The following PCDHGA3 variants were observed in gnomAD, a reference collection of about 807,000 sequenced individuals.
The protein encoded by PCDHGA3 is protocadherin gamma-A3.
A neutral mutation model predicts 58.5 loss-of-function variants in PCDHGA3; 40 were observed. The observed-to-expected ratio is 0.68, with a 90% CI of 0.53 to 0.89. The LOEUF (loss-of-function observed/expected upper bound fraction) is 0.89, where lower values mean the gene tolerates loss of function less well. Among genes scored for constraint, PCDHGA3 ranks in the 40% least tolerant of loss-of-function variants. The pLI, the probability that PCDHGA3 is intolerant of heterozygous loss-of-function variation, is 0.00. For missense variants in PCDHGA3, 1,223 were observed against 1,195.9 expected, an observed-to-expected ratio of 1.02 and a Z score of -0.33; for synonymous variants, 530 against 525.7, an observed-to-expected ratio of 1.01 and a Z score of -0.11.
chr5:141,431,237 C>A lies in PCDHGA3; in HGVS notation c.2425-63570C>A. 1 of 1,614,170 alleles carries A rather than the reference C, an allele frequency of 6.2e-7. No homozygotes were observed. Among genetic ancestry groups the A allele is most frequent in the Non-Finnish European group, 8.5e-7 (1 of 1,180,044 alleles). The stretch of plus-strand genomic sequence containing the variant: ...GTTCCCTCTACCCCACGCCTGGGAT[C>A]CGGATATCGGGAAGAACTCTCTGCA... On this transcript the variant is annotated intron_variant, in intron 1 of 3. Transcript: ENST00000253812. The surrounding 1 kb of genome is among the most constrained non-coding windows in gnomAD (Gnocchi z 4.8).
rs777780708 is a variant in PCDHGA3, at chr5:141,489,934, G to C, written c.2425-4873G>C. ...AGGGACCACCCTTATCTCTGTCATC[G>C]TGCTGGACATCAATGATAATGCTCC... On this transcript the variant is annotated intron_variant, in intron 1 of 3. Transcript: ENST00000253812. The surrounding 1 kb of genome is among the most constrained non-coding windows in gnomAD (Gnocchi z 4.5). The C allele has an allele frequency of 1.4e-5, 23 of 1,614,176 alleles. No homozygotes were observed. Among genetic ancestry groups the C allele is most frequent in the Non-Finnish European group, 1.8e-5 (21 of 1,180,030 alleles).
At chr5:141,421,973 G>C in intron 1 of PCDHGA3, 1 of 1,610,100 alleles carries the variant, frequency 6.2e-7, no homozygotes, top group Non-Finnish European at 8.5e-7. Context: ...TCCGTATATC[G>C]CGTGAGTGTT....
At chr5:141,371,758 C>T (rs2149991096) in intron 1 of PCDHGA3, 2 of 1,614,030 alleles carry the variant, frequency 1.2e-6, no homozygotes, top group Non-Finnish European at 8.5e-7. Flanking sequence ...TTCCACCAGG[C>T]CTCCTACACC....
chr5:141,485,357 C>T lies in PCDHGA3; in HGVS notation c.2425-9450C>T. ...GCTGGATACGGACAGTCTGTCAGCT[C>T]GCAGGCTGCAGGTCGCTGGAGAGGT... On this transcript the variant is annotated intron_variant, in intron 1 of 3. Transcript: ENST00000253812. The surrounding 1 kb of genome is among the most constrained non-coding windows in gnomAD (Gnocchi z 5.7). 1.2e-6 allele frequency: 2 copies of T among 1,614,084 alleles called. No individual in the cohort carries two copies. The highest frequency in any genetic ancestry group is 1.1e-5 in the South Asian group (1 of 91,070).
chr5:141,350,861 C>T (rs1758574033), intron 1 of PCDHGA3: 1 of 1,614,074 alleles, frequency 6.2e-7, no homozygotes, highest in Non-Finnish European at 8.5e-7. Flanking sequence ...AGACAGGGAA[C>T]ATCAGAGCTC....
rs774172640 is a variant in PCDHGA3 at position 141,350,450 on chromosome 5, C to G, written c.2424+3993C>G. 5 of 1,611,784 alleles carry G rather than the reference C, an allele frequency of 3.1e-6. No homozygotes were observed. The Admixed American group carries it at 5.0e-5, about 16-fold the overall frequency. ...TGTCCGGGAGTTGCCAACTCGAAAA[C>G]TGCGGGTTAGTGCAGAGGATTATTT... is the stretch of plus-strand genomic sequence containing the variant. On this transcript the variant is annotated intron_variant, in intron 1 of 3. Transcript: ENST00000253812.
chr5:141,488,885 T>C (rs1401230063), intron 1 of PCDHGA3, among the ~76,000 whole-genome samples: 1 of 152,194 alleles, frequency 6.6e-6, no homozygotes, highest in Admixed American at 6.5e-5. Flanking sequence ...GAAGCTTCTG[T>C]GACACAGATT....
intron 1 of PCDHGA3, chr5:141,403,391 G>C (rs1182066905): frequency 6.2e-7 from 1 of 1,614,046 alleles, no homozygotes; most frequent in East Asian, 2.2e-5. Flanking sequence ...CGAAATCGCG[G>C]TTCCTGGAGC....
intron 1 of PCDHGA3, chr5:141,392,622 A>C: frequency 3.6e-6 from 2 of 558,650 alleles, no homozygotes; most frequent in Non-Finnish European, 6.1e-6. Flanking sequence ...AACCGAAAAC[A>C]CTCAGATCTC....
At chr5:141,465,714 C>T (rs1015102102) in intron 1 of PCDHGA3, among the ~76,000 whole-genome samples, 4 of 152,200 alleles carry the variant, frequency 2.6e-5, no homozygotes, top group Non-Finnish European at 5.9e-5. Context: ...AATGCCACCA[C>T]TTCCACCTCT....
At chr5:141,464,300 A>T (rs1349155102) in intron 1 of PCDHGA3, among the ~76,000 whole-genome samples, 2 of 149,898 alleles carry the variant, frequency 1.3e-5, no homozygotes, top group African/African-American at 4.9e-5. Flanking sequence ...ACTCCATTGT[A>T]TGTGCACATA....
At chr5:141,506,226 G>A (rs1248069119) in intron 3 of PCDHGA3, among the ~76,000 whole-genome samples, 3 of 152,152 alleles carry the variant, frequency 2.0e-5, no homozygotes, top group Non-Finnish European at 1.5e-5. Flanking sequence ...TGAGGCAGGA[G>A]GATCATGAGG....
Position 141,477,114 on chromosome 5 carries a change from G to C in PCDHGA3, c.2425-17693G>C. ...AAAGACAAGGGCGCCAATCCCGAAG[G>C]AGCACATTGCAAAGTGTTGGTGGAG... is the stretch of plus-strand genomic sequence containing the variant. On this transcript the variant is annotated intron_variant, in intron 1 of 3. Coordinates refer to ENST00000253812, the MANE Select transcript of PCDHGA3 (RefSeq NM_018916.4). This position sits in a 1 kb window ranked among gnomAD's most constrained non-coding sequence, Gnocchi z 4.9. 4.3e-6 allele frequency: 7 copies of C among 1,614,234 alleles called. No homozygotes were observed. Among genetic ancestry groups the C allele is most frequent in the Non-Finnish European group, 5.9e-6 (7 of 1,180,046 alleles).
chr5:141,356,775 T>A, intron 1 of PCDHGA3: 1 of 1,613,974 alleles, frequency 6.2e-7, no homozygotes, highest in South Asian at 1.1e-5. Flanking sequence ...ATGAGCAGTT[T>A]AGAGACCTGC....
Position 141,491,274 on chromosome 5 carries a change from T to C in PCDHGA3, c.2425-3533T>C, listed in dbSNP as rs2099710140. On this transcript the variant is annotated intron_variant, in intron 1 of 3. Transcript: ENST00000253812. The surrounding 1 kb of genome is among the most constrained non-coding windows in gnomAD (Gnocchi z 6.9). ...ACCCTGAGGAAATGCCCAAATCCAG[T>C]GACTTCCTCATACACCCTCCTGAGC... The C allele has an allele frequency of 6.2e-7, 1 of 1,614,102 alleles. No individual in the cohort carries two copies. Among genetic ancestry groups the C allele is most frequent in the Non-Finnish European group, 8.5e-7 (1 of 1,179,914 alleles).
At chr5:141,413,102 G>A in intron 1 of PCDHGA3, 1 of 1,480,778 alleles carries the variant, frequency 6.8e-7, no homozygotes, top group Non-Finnish European at 9.1e-7. Context: ...TGAAGCCACA[G>A]AAAGACAAAG....
chr5:141,417,704 A>G, intron 1 of PCDHGA3: 2 of 1,207,460 alleles, frequency 1.7e-6, no homozygotes, highest in Non-Finnish European at 1.1e-6. Context: ...GCTCCCACAC[A>G]GAGGCTCCCG....
intron 1 of PCDHGA3, among the ~76,000 whole-genome samples, chr5:141,468,131 C>A (rs1006565854): frequency 1.3e-5 from 2 of 151,650 alleles, no homozygotes; most frequent in South Asian, 4.2e-4. Context: ...TTGAGACCAG[C>A]CTGGCCAACA....
intron 1 of PCDHGA3, chr5:141,397,913 G>C (rs1429104427): frequency 1.4e-6 from 1 of 691,886 alleles, no homozygotes; most frequent in African/African-American, 1.8e-5. Flanking sequence ...TGGCGCTCCA[G>C]ATCTCCTCGC....
Sources: allele counts gnomAD v4.1 joint callset (sites outside exome capture counted in the v4.1 genomes callset), GRCh38; gene constraint gnomAD v4.1.1; non-coding constraint Gnocchi (gnomAD v3.1); transcripts MANE v1.5; gene names NCBI Gene and HGNC (gene_info 2026-07-23, HGNC 2026-07-21).